Variants in MTMR10 observed in about 807,000 individuals in gnomAD.
MTMR10 encodes the protein myotubularin related protein 10.
MTMR10 carries 56 observed loss-of-function variants against 88.1 expected under a neutral mutation model. That is an observed-to-expected ratio of 0.64 (90% confidence interval 0.51 to 0.79). The LOEUF is 0.79. Ranked by LOEUF, MTMR10 falls within the 30% of genes least tolerant of loss-of-function variation. The pLI, the probability that MTMR10 is intolerant of heterozygous loss-of-function variation, is 0.00. For synonymous variants in MTMR10, 380 were observed against 340.9 expected, an observed-to-expected ratio of 1.11 and a Z score of -1.26; for missense variants, 883 against 924.7, an observed-to-expected ratio of 0.95 and a Z score of 0.58.
the MTMR10 span, chr15:30,926,586 A>G: frequency 6.1e-6 from 6 of 982,564 alleles, no homozygotes; most frequent in South Asian, 1.9e-4. Context: ...ATTCATCTAC[A>G]TAATATCTTT....
chr15:30,927,061 C>T, the MTMR10 span: 3 of 976,958 alleles, frequency 3.1e-6, no homozygotes, highest in African/African-American at 1.8e-5. Flanking sequence ...CTTGTAATCC[C>T]AGCACTTGGG....
At position 30,941,637 on chromosome 15, in the gene MTMR10, G is replaced by A. The variant is rs756808731; in HGVS notation, c.2167C>T (p.Pro723Ser). The change falls in exon 16 of 16, where the codon CCT becomes TCT. Residue 723 changes from proline (P) to serine (S), a missense_variant. Physicochemically the swap from Pro to Ser is moderately conservative, Grantham distance 74 (BLOSUM62 -1). Coordinates refer to ENST00000435680, the MANE Select transcript of MTMR10 (RefSeq NM_017762.3). ...GTCCCCGAGGTGTCGGTGTGGTGAG[G>A]GCCGCTGGCGTTGAAGTACATCCTG... ...QSRMYFNASG[P>S]HHTDTSGTPE... 2.5e-6 allele frequency: 4 copies of A among 1,608,606 alleles called. 1 individual carries two copies. Among genetic ancestry groups the A allele is most frequent in the Non-Finnish European group, 3.4e-6 (4 of 1,177,380 alleles).
At chr15:30,968,204 C>T (rs1286014395) in intron 5 of MTMR10, 194 bp from the exon 6 acceptor site, 11 of 414,934 alleles carry the variant, frequency 2.7e-5, no homozygotes, top group Non-Finnish European at 4.3e-5. Flanking sequence ...GCCCTCAAGA[C>T]ATTGTTTATC....
the MTMR10 span, chr15:30,920,736 A>G: frequency 1.3e-5 from 10 of 777,706 alleles, no homozygotes; most frequent in Non-Finnish European, 1.9e-5. Flanking sequence ...GGCTCTCAGC[A>G]TTTCCTGCTT....
chr15:30,955,946 A>G (rs1388794889), intron 9 of MTMR10, among the ~76,000 whole-genome samples: 1 of 151,284 alleles, frequency 6.6e-6, no homozygotes, highest in Non-Finnish European at 1.5e-5. Context: ...TCCCATCTAT[A>G]TTCAATGGGT....
intron 6 of MTMR10, among the ~76,000 whole-genome samples, chr15:30,962,716 A>C (rs913213716): frequency 6.6e-6 from 1 of 152,216 alleles, no homozygotes; most frequent in African/African-American, 2.4e-5. Flanking sequence ...CAAAAAGATG[A>C]ATAAGATTTT....
chr15:30,980,078 G>A (rs542870142), intron 2 of MTMR10, among the ~76,000 whole-genome samples: 8 of 152,284 alleles, frequency 5.3e-5, no homozygotes, highest in East Asian at 1.9e-4. Flanking sequence ...TTACTGAAGC[G>A]ACAACTCTTA....
chr15:30,982,093 G>A (rs1595947659), intron 2 of MTMR10, among the ~76,000 whole-genome samples: 2 of 149,866 alleles, frequency 1.3e-5, no homozygotes, highest in South Asian at 2.1e-4. Flanking sequence ...AAAAGAAAAA[G>A]AAAAAAAAGA....
Position 30,940,107 on chromosome 15 carries a change from T to C in MTMR10, c.*1363A>G. Reference sequence around the variant, plus strand: ...AACTAGACACTTTACTATAAAAATTTTCCATATCTTAGGATGGCAGTTTAA... The same window carrying C: ...AACTAGACACTTTACTATAAAAATTCTCCATATCTTAGGATGGCAGTTTAA... On this transcript the variant is annotated 3_prime_UTR_variant, in exon 16 of 16. Transcript: ENST00000435680. 1.0e-6 allele frequency: 1 copy of C among 985,188 alleles called. No homozygotes were observed. Among genetic ancestry groups the C allele is most frequent in the Non-Finnish European group, 1.2e-6 (1 of 829,704 alleles). The allele number at this position is 985,188 out of a possible 1,614,324, so 61.0% of individuals were successfully genotyped here.
rs2063062747 is a variant in MTMR10 at position 30,941,744 on chromosome 15, T to C, written c.2060A>G (p.Asp687Gly). ...CATCCTGCTCAGTACGTCGACTTCA[T>C]CAGCCAGGAGGGAGAGCTTGTGAAA... ...TAFHKLSLLADEVDVLSRMLR... is the reference protein window; with the variant it reads ...TAFHKLSLLAGEVDVLSRMLR... Residue 687 changes from aspartate to glycine, a missense_variant, in exon 16 of 16, where the codon GAT becomes GGT. Asp to Gly is a moderately conservative substitution (Grantham distance 94). Around this residue, in one of 3 missense-constraint regions of MTMR10, gnomAD observed 343 missense variants for 323.2 expected, o/e 1.06. Coordinates refer to ENST00000435680, the MANE Select transcript of MTMR10 (RefSeq NM_017762.3). 6.2e-7 allele frequency: 1 copy of C among 1,613,968 alleles called. No homozygotes were observed. The highest frequency in any genetic ancestry group is 8.5e-7 in the Non-Finnish European group (1 of 1,179,872).
chr15:30,976,920 T>C lies in MTMR10; in HGVS notation c.157A>G (p.Lys53Glu), dbSNP rs1383344987. 6.2e-7 allele frequency: 1 copy of C among 1,613,592 alleles called. No homozygotes were observed. The highest frequency in any genetic ancestry group is 8.5e-7 in the Non-Finnish European group (1 of 1,179,750). ...IVVNEVNFVRKCIATDTSQYD... is the reference protein window; with the variant it reads ...IVVNEVNFVRECIATDTSQYD... ...TGGCTTGTGTCTGTTGCAATGCATT[T>C]TCTCACAAAATTGACTTCATTTACG... Residue 53 changes from lysine (K) to glutamate (E), a missense_variant, in exon 3 of 16, where the codon AAA (lysine) becomes GAA (glutamate). Around this residue, in one of 3 missense-constraint regions of MTMR10, gnomAD observed 414 missense variants for 423.2 expected, o/e 0.98. Transcript: ENST00000435680.
the MTMR10 span, among the ~76,000 whole-genome samples, chr15:30,923,427 G>C: frequency 1.3e-5 from 2 of 152,180 alleles, no homozygotes; most frequent in South Asian, 2.1e-4. Context: ...GTTCTGCTAG[G>C]GGGTAGACAA....
At chr15:30,959,236 A>G (rs2063368549) in intron 7 of MTMR10, 115 bp from the exon 8 acceptor site, 1 of 908,432 alleles carries the variant, frequency 1.1e-6, no homozygotes, top group African/African-American at 1.7e-5. Context: ...CACCCCACTT[A>G]GTAGCCACAT....
intron 5 of MTMR10, among the ~76,000 whole-genome samples, chr15:30,972,229 C>T (rs937846800): frequency 6.6e-6 from 1 of 152,096 alleles, no homozygotes; most frequent in Admixed American, 6.6e-5. Flanking sequence ...GAAAACTTTT[C>T]ACTTGAAATA....
chr15:30,924,663 G>A, the MTMR10 span, among the ~76,000 whole-genome samples: 1 of 152,156 alleles, frequency 6.6e-6, no homozygotes, highest in Non-Finnish European at 1.5e-5. Context: ...CAGCTCCATG[G>A]TTCTTGACTG....
chr15:30,929,494 A>T, the MTMR10 span: 5 of 715,870 alleles, frequency 7.0e-6, no homozygotes, highest in Non-Finnish European at 9.1e-6. Flanking sequence ...ATGTGTGTAT[A>T]TGTAAATACA....
At chr15:30,937,483 G>A (rs907213783), downstream of MTMR10, among the ~76,000 whole-genome samples, 23 of 125,628 alleles carry the variant, frequency 1.8e-4, no homozygotes, top group Admixed American at 7.2e-4. Context: ...ACAGAGTCTC[G>A]CTCTGTCACC....
intron 5 of MTMR10, among the ~76,000 whole-genome samples, chr15:30,970,072 A>G (rs1235891301): frequency 6.6e-6 from 1 of 152,176 alleles, no homozygotes; most frequent in East Asian, 1.9e-4. Flanking sequence ...TTCACATAAT[A>G]GTTATGATGT....
At chr15:30,984,794 C>A (rs541867385) in intron 2 of MTMR10, among the ~76,000 whole-genome samples, 1 of 152,170 alleles carries the variant, frequency 6.6e-6, no homozygotes, top group Non-Finnish European at 1.5e-5. Flanking sequence ...ACTGAGCTGA[C>A]GCACAGCCTC....
Sources: allele counts gnomAD v4.1 joint callset (sites outside exome capture counted in the v4.1 genomes callset), GRCh38; gene constraint gnomAD v4.1.1; regional missense constraint gnomAD v4.1.1; transcripts MANE v1.5; gene names NCBI Gene and HGNC (gene_info 2026-07-23, HGNC 2026-07-21).